UFD1: variants seen among roughly 807,000 people sequenced by gnomAD.
The protein encoded by UFD1 is ubiquitin recognition factor in ER associated degradation 1, also known as ubiquitin recognition factor in ER-associated degradation protein 1.
In UFD1, 13 loss-of-function variants were observed where a neutral mutation model predicts 45.9. The observed-to-expected ratio is 0.28, with a 90% CI of 0.18 to 0.45. UFD1 has a LOEUF of 0.45. UFD1 is among the 20% of genes least tolerant of loss of function. UFD1 has a pLI of 1.00. For missense variants in UFD1, 218 were observed against 389.2 expected, an observed-to-expected ratio of 0.56 and a Z score of 3.70; for synonymous variants, 128 against 139.2, an observed-to-expected ratio of 0.92 and a Z score of 0.56.
intron 4 of UFD1, among the ~76,000 whole-genome samples, chr22:19,470,206 C>T (rs1382766571): frequency 6.6e-6 from 1 of 152,172 alleles, no homozygotes; most frequent in Non-Finnish European, 1.5e-5. Flanking sequence ...ATAAAAGCCC[C>T]CCAACAGGCC....
intron 11 of UFD1, chr22:19,451,262 A>G: frequency 1.0e-6 from 1 of 985,752 alleles, no homozygotes; most frequent in East Asian, 1.1e-4. Flanking sequence ...GTATACTCCC[A>G]AGGCTACAGA....
At chr22:19,452,348 G>A (rs1373838153) in intron 11 of UFD1, 2 of 152,110 alleles carry the variant, frequency 1.3e-5, no homozygotes, top group Non-Finnish European at 2.9e-5. Flanking sequence ...TAACTTAATT[G>A]CTTCTTTAAA....
intron 1 of UFD1, among the ~76,000 whole-genome samples, chr22:19,476,145 G>A (rs2089879450): frequency 6.6e-6 from 1 of 152,100 alleles, no homozygotes; most frequent in Non-Finnish European, 1.5e-5. Flanking sequence ...CAAGCAGCAG[G>A]GTAAGTAGAC....
At chr22:19,456,777 C>A (rs1234897169) in intron 8 of UFD1, 76 bp downstream of exon 8, 25 of 1,613,542 alleles carry the variant, frequency 1.5e-5, no homozygotes, top group Non-Finnish European at 2.0e-5. Context: ...CTAGCAGAGG[C>A]CACCCACGAG....
At chr22:19,452,809 G>A (rs1290306422) in intron 11 of UFD1, 2 of 154,334 alleles carry the variant, frequency 1.3e-5, no homozygotes, top group Non-Finnish European at 2.9e-5. Flanking sequence ...ACAGGTGTGA[G>A]CCATGGCGCT....
chr22:19,475,009 G>T, intron 3 of UFD1, 59 bp downstream of exon 3: 2 of 1,516,924 alleles, frequency 1.3e-6, no homozygotes, highest in South Asian at 1.2e-5. Flanking sequence ...AGCCCATGCT[G>T]ACTCTTGGTG....
chr22:19,453,626 G>A (rs1181720503), intron 11 of UFD1: 35 of 985,616 alleles, frequency 3.6e-5, no homozygotes, highest in Non-Finnish European at 4.0e-5. Flanking sequence ...GGTGAGGTCT[G>A]ACTGGCCACT....
At chr22:19,474,996 AG>A in intron 3 of UFD1, 71 bp downstream of exon 3, 1 of 1,428,066 alleles carries the variant, frequency 7.0e-7, no homozygotes, top group Admixed American at 2.0e-5. Flanking sequence ...GGATGTACTG[AG>A]GAGCCCATGC....
chr22:19,465,011 C>T (rs1040667407), intron 6 of UFD1, among the ~76,000 whole-genome samples, 191 bp downstream of exon 6: 2 of 151,794 alleles, frequency 1.3e-5, no homozygotes, highest in Non-Finnish European at 2.9e-5. Context: ...TGCAATCTAT[C>T]CTCAAAACAG....
intron 2 of UFD1, 114 bp from the exon 3 acceptor site, chr22:19,475,214 C>A (rs915585697): frequency 1.3e-5 from 14 of 1,118,086 alleles, no homozygotes; most frequent in African/African-American, 3.2e-5. Context: ...TTTAGGGTAG[C>A]CAGAATGTCC....
intron 6 of UFD1, among the ~76,000 whole-genome samples, chr22:19,464,686 A>G (rs1336743185): frequency 2.0e-5 from 3 of 152,242 alleles, no homozygotes; most frequent in Non-Finnish European, 4.4e-5. Flanking sequence ...TGAAGAAAAC[A>G]GGAGGTGGAG....
intron 5 of UFD1, chr22:19,466,186 ATAT>A (rs1225798249): frequency 2.0e-5 from 3 of 152,204 alleles, no homozygotes; most frequent in African/African-American, 4.8e-5. Context: ...TTGCTCCCAA[ATAT>A]GAAGTGCCAC....
chr22:19,472,620 C>T (rs1194039097), intron 3 of UFD1, among the ~76,000 whole-genome samples: 2 of 152,224 alleles, frequency 1.3e-5, no homozygotes, highest in Admixed American at 6.5e-5. Flanking sequence ...ACCCAGGAGA[C>T]ACTGGGCCCC....
chr22:19,471,606 C>T, intron 4 of UFD1, 81 bp downstream of exon 4: 1 of 1,560,854 alleles, frequency 6.4e-7, no homozygotes, highest in Non-Finnish European at 8.6e-7. Flanking sequence ...GGGCCACCTG[C>T]TCCAGGGCCA....
chr22:19,477,242 C>T (rs900182770), intron 1 of UFD1, among the ~76,000 whole-genome samples: 2 of 152,038 alleles, frequency 1.3e-5, no homozygotes, highest in Admixed American at 6.5e-5. Flanking sequence ...TTGTACACCC[C>T]GTATTCATAG....
At chr22:19,478,341 G>A (rs575048081) in intron 1 of UFD1, among the ~76,000 whole-genome samples, 1 of 152,286 alleles carries the variant, frequency 6.6e-6, no homozygotes, top group African/African-American at 2.4e-5. Context: ...AAATAAACAG[G>A]TGACAGGAAG....
intron 1 of UFD1, among the ~76,000 whole-genome samples, chr22:19,478,499 G>T (rs1341595480): frequency 6.6e-6 from 1 of 152,176 alleles, no homozygotes; most frequent in Non-Finnish European, 1.5e-5. Context: ...GGATTGTAGG[G>T]ATTAAAAGAA....
At chr22:19,454,661 C>A (rs1189916588) in intron 11 of UFD1, 88 bp downstream of exon 11, 3 of 1,600,698 alleles carry the variant, frequency 1.9e-6, no homozygotes, top group Non-Finnish European at 2.6e-6. Context: ...TAATGCACAC[C>A]CCTACTCAGA....
chr22:19,462,706 T>C (rs2089776593), intron 6 of UFD1, among the ~76,000 whole-genome samples: 1 of 152,288 alleles, frequency 6.6e-6, no homozygotes, highest in Non-Finnish European at 1.5e-5. Context: ...CTTACTCTTT[T>C]CCAACATTTT....
Sources: allele counts gnomAD v4.1 joint callset (sites outside exome capture counted in the v4.1 genomes callset), GRCh38; gene constraint gnomAD v4.1.1; transcripts MANE v1.5; gene names NCBI Gene and HGNC (gene_info 2026-07-23, HGNC 2026-07-21).